IKZF2: variants seen among roughly 807,000 people sequenced by gnomAD.
IKZF2 encodes the protein zinc finger protein Helios.
A neutral mutation model predicts 49.2 loss-of-function variants in IKZF2; 15 were observed. That is an observed-to-expected ratio of 0.30 (90% CI 0.20 to 0.47). IKZF2 has a LOEUF of 0.47. Among genes scored for constraint, IKZF2 ranks in the 20% least tolerant of loss-of-function variants. IKZF2 has a pLI of 1.00. For missense variants in IKZF2, 567 were observed against 664.6 expected (o/e 0.85, Z 1.61); for synonymous variants, 227 against 221.4 (o/e 1.03, Z -0.23).
chr2:213,036,557 T>C (rs1390381424), intron 6 of IKZF2, among the ~76,000 whole-genome samples: 2 of 152,158 alleles, frequency 1.3e-5, no homozygotes, highest in Non-Finnish European at 2.9e-5. Flanking sequence ...ATTCAATCAA[T>C]ATGGTATATA....
chr2:213,087,110 G>A (rs1444060776), intron 4 of IKZF2, among the ~76,000 whole-genome samples: 1 of 152,116 alleles, frequency 6.6e-6, no homozygotes. Context: ...AAAGGTAGGG[G>A]AAGTCAAATC....
At chr2:213,106,687 GT>G (rs1182630087) in intron 4 of IKZF2, among the ~76,000 whole-genome samples, 4 of 150,898 alleles carry the variant, frequency 2.7e-5, no homozygotes, top group Admixed American at 6.6e-5. Flanking sequence ...GAAAAAAAAT[GT>G]TTTTTAAGTA....
At chr2:213,010,115 A>G (rs189169310) in intron 8 of IKZF2, among the ~76,000 whole-genome samples, 16 of 152,238 alleles carry the variant, frequency 1.1e-4, no homozygotes, top group Non-Finnish European at 1.6e-4. Flanking sequence ...TAGGAAATTT[A>G]GTAGATGACA....
chr2:213,009,222 A>G (rs1695675903), intron 8 of IKZF2, among the ~76,000 whole-genome samples: 1 of 152,104 alleles, frequency 6.6e-6, no homozygotes, highest in Non-Finnish European at 1.5e-5. Flanking sequence ...ATTTTACTCC[A>G]ATATTTTACA....
intron 6 of IKZF2, among the ~76,000 whole-genome samples, chr2:213,032,412 T>C (rs1698538463): frequency 6.6e-6 from 1 of 152,146 alleles, no homozygotes; most frequent in South Asian, 2.1e-4. Flanking sequence ...TGTATATACC[T>C]TAATTTTAAA....
chr2:213,128,823 T>G (rs968771045), intron 4 of IKZF2, among the ~76,000 whole-genome samples: 23 of 147,626 alleles, frequency 1.6e-4, no homozygotes, highest in Non-Finnish European at 7.5e-5. Flanking sequence ...TTTTTTTTTT[T>G]GTATTTTTAG....
chr2:213,030,781 CA>C (rs200332531), intron 6 of IKZF2, among the ~76,000 whole-genome samples: 11 of 140,550 alleles, frequency 7.8e-5, no homozygotes, highest in East Asian at 2.0e-4. Flanking sequence ...ATAAAAGAGG[CA>C]AAAAAAAAGC....
chr2:213,059,458 G>A (rs543614279), intron 4 of IKZF2, among the ~76,000 whole-genome samples: 3 of 151,650 alleles, frequency 2.0e-5, no homozygotes, highest in African/African-American at 7.2e-5. Flanking sequence ...TGGTAAGGGA[G>A]ACTTTTAAAA....
Position 213,007,278 on chromosome 2 carries a change from G to T in IKZF2, c.*82C>A. On this transcript the variant is annotated 3_prime_UTR_variant, in exon 9 of 9. Transcript: ENST00000434687. ...AAAAATAAAAGGTATGTCAACATTT[G>T]AGGAAAGGTGGGATTGTAAGTGCAG... The T allele has an allele frequency of 7.1e-7, 1 of 1,411,468 alleles. No homozygotes were observed. The highest frequency in any genetic ancestry group is 9.6e-7 in the Non-Finnish European group (1 of 1,039,710). The allele number at this position is 1,411,468 out of a possible 1,614,324, so 87.4% of individuals were successfully genotyped here. A position where few individuals can be genotyped will look rare whatever the true frequency, so the allele number is the denominator to read the frequency against.
intron 4 of IKZF2, among the ~76,000 whole-genome samples, chr2:213,070,625 T>C (rs562205480): frequency 2.0e-5 from 3 of 152,266 alleles, no homozygotes; most frequent in African/African-American, 7.2e-5. Flanking sequence ...ATTGGATCTA[T>C]AGGACTAGAC....
At chr2:213,016,222 A>C (rs1276360893) in intron 7 of IKZF2, among the ~76,000 whole-genome samples, 1 of 152,160 alleles carries the variant, frequency 6.6e-6, no homozygotes, top group Non-Finnish European at 1.5e-5. Flanking sequence ...TCCATGAAAT[A>C]GGTGTAATAC....
intron 6 of IKZF2, among the ~76,000 whole-genome samples, chr2:213,047,807 A>G (rs887493373): frequency 2.0e-5 from 3 of 152,080 alleles, no homozygotes; most frequent in African/African-American, 7.2e-5. Context: ...AATTTTGGTT[A>G]TTGAAAAATT....
chr2:213,121,174 A>G (rs2060045192), intron 4 of IKZF2, among the ~76,000 whole-genome samples: 1 of 152,250 alleles, frequency 6.6e-6, no homozygotes, highest in Non-Finnish European at 1.5e-5. Flanking sequence ...ATCAAGATGC[A>G]TAATAGTTAT....
upstream of IKZF2, chr2:213,151,664 A>G (rs1198820347): frequency 6.6e-6 from 1 of 150,416 alleles, no homozygotes; most frequent in Non-Finnish European, 1.5e-5. Context: ...GCCCGAGCAC[A>G]TCTCCCCCGC....
chr2:213,037,734 T>C (rs144001687), intron 6 of IKZF2, among the ~76,000 whole-genome samples: 474 of 152,294 alleles, frequency 3.1e-3, no homozygotes, highest in African/African-American at 0.011. Context: ...GCAAATCATG[T>C]GTGCAACTGA....
chr2:213,008,156 A>G, intron 8 of IKZF2, 72 bp from the exon 9 acceptor site: 2 of 1,457,898 alleles, frequency 1.4e-6, no homozygotes, highest in East Asian at 2.4e-5. Flanking sequence ...CAGATTAAAA[A>G]TATGAAAGGG....
intron 7 of IKZF2, chr2:213,014,778 TTTAA>T (rs1696382812): frequency 6.6e-6 from 1 of 152,010 alleles, no homozygotes; most frequent in African/African-American, 2.4e-5. Flanking sequence ...CCCAAGGATG[TTTAA>T]TTAAGGATAG....
intron 4 of IKZF2, among the ~76,000 whole-genome samples, chr2:213,130,438 A>C (rs1265110130): frequency 6.6e-6 from 1 of 152,174 alleles, no homozygotes; most frequent in Admixed American, 6.5e-5. Context: ...GATCCAAAAT[A>C]TCCGTAAACT....
chr2:213,139,572 T>C (rs1205978351), intron 4 of IKZF2, among the ~76,000 whole-genome samples: 4 of 151,642 alleles, frequency 2.6e-5, no homozygotes, highest in Non-Finnish European at 5.9e-5. Flanking sequence ...TGTGTGTGTG[T>C]GCTTTATTTT....
Sources: gnomAD v4.1 joint callset for allele counts (sites outside exome capture counted in the v4.1 genomes callset) on GRCh38, gnomAD v4.1.1 for gene constraint, MANE v1.5 for transcripts, NCBI Gene and HGNC (gene_info 2026-07-23, HGNC 2026-07-21) for gene names.